Variants in HOMER2 observed in about 807,000 individuals in gnomAD.
The protein encoded by HOMER2 is homer scaffold protein 2.
Under a neutral mutation model 47.0 loss-of-function variants are expected in HOMER2, and 27 were observed. That is an observed-to-expected ratio of 0.57 (90% CI 0.42 to 0.79). The LOEUF is 0.79. Ranked by LOEUF, HOMER2 falls within the 30% of genes least tolerant of loss-of-function variation. The probability of loss-of-function intolerance (pLI) is 0.00; values close to 1 mark genes in which losing one functional copy is unlikely to be tolerated. For synonymous variants in HOMER2, 161 were observed against 163.8 expected (o/e 0.98, Z 0.13); for missense variants, 443 against 435.0 (o/e 1.02, Z -0.16).
intron 4 of HOMER2, among the ~76,000 whole-genome samples, chr15:82,862,920 A>G (rs1375988521): frequency 6.6e-6 from 1 of 151,950 alleles, no homozygotes; most frequent in Non-Finnish European, 1.5e-5. Flanking sequence ...CTCCTCTCTG[A>G]GCACCGACAT....
At chr15:82,955,953 C>CTGAT (rs2054583615), upstream of HOMER2, among the ~76,000 whole-genome samples, 1 of 152,028 alleles carries the variant, frequency 6.6e-6, no homozygotes, top group Non-Finnish European at 1.5e-5. Flanking sequence ...AAAAAGAGGC[C>CTGAT]TGATGGCTGG....
chr15:82,868,097 T>A (rs957602992), intron 3 of HOMER2, among the ~76,000 whole-genome samples: 2 of 152,204 alleles, frequency 1.3e-5, no homozygotes, highest in African/African-American at 2.4e-5. Flanking sequence ...AAAAAAATAT[T>A]TTTTTCATAT....
chr15:82,904,726 G>C (rs2053237905), intron 1 of HOMER2, among the ~76,000 whole-genome samples: 1 of 152,090 alleles, frequency 6.6e-6, no homozygotes, highest in Non-Finnish European at 1.5e-5. Context: ...TCACAGTCCA[G>C]GTGCACAAAC....
At chr15:82,921,223 G>T (rs1339242828) in intron 1 of HOMER2, among the ~76,000 whole-genome samples, 1 of 152,140 alleles carries the variant, frequency 6.6e-6, no homozygotes, top group Non-Finnish European at 1.5e-5. Flanking sequence ...GGGAGGCGGA[G>T]GTTGCAGTGA....
At chr15:82,964,992 G>C (rs1215594937) in intron 1 of HOMER2, among the ~76,000 whole-genome samples, 2 of 152,052 alleles carry the variant, frequency 1.3e-5, no homozygotes, top group Admixed American at 6.6e-5. Context: ...TGTAGACTTA[G>C]GAAATTCCAA....
intron 5 of HOMER2, among the ~76,000 whole-genome samples, chr15:82,856,099 T>C (rs1312630095): frequency 6.6e-6 from 1 of 152,216 alleles, no homozygotes. Flanking sequence ...TTGGAAAATA[T>C]GTACTTTCAC....
chr15:82,916,395 G>T lies in HOMER2; in HGVS notation c.6-23554C>A, dbSNP rs114117124. 1.9e-3 allele frequency among the ~76,000 whole-genome samples: 292 copies of T among 152,294 alleles called. 1 individual carries two copies. The highest frequency in any genetic ancestry group is 6.6e-3 in the African/African-American group (275 of 41,552). On this transcript the variant is annotated intron_variant, in intron 1 of 8. Transcript: ENST00000450735. ...CATGGCCTCAGAATCCAGGGAGATT[G>T]GTACCTGTCTGTCTGAGCACCTGTG... is the stretch of plus-strand genomic sequence containing the variant.
chr15:82,875,210 C>A, intron 3 of HOMER2, 63 bp downstream of exon 3: 1 of 1,575,116 alleles, frequency 6.3e-7, no homozygotes, highest in South Asian at 1.1e-5. Flanking sequence ...CCTCGGCGGG[C>A]AATCACTGAT....
chr15:82,906,933 A>G (rs1331828350), intron 1 of HOMER2, among the ~76,000 whole-genome samples: 2 of 152,254 alleles, frequency 1.3e-5, no homozygotes, highest in Non-Finnish European at 2.9e-5. Flanking sequence ...AAAGGAAGAC[A>G]TAACCTTAAT....
chr15:82,922,074 A>G (rs898923131), intron 1 of HOMER2, among the ~76,000 whole-genome samples: 29 of 152,306 alleles, frequency 1.9e-4, no homozygotes, highest in African/African-American at 6.7e-4. Context: ...ATTCTATTCT[A>G]AGCTCCTTGT....
intron 2 of HOMER2, among the ~76,000 whole-genome samples, chr15:82,890,696 C>T (rs1295179884): frequency 6.6e-6 from 1 of 152,216 alleles, no homozygotes; most frequent in Non-Finnish European, 1.5e-5. Context: ...AAAGCACTTG[C>T]TCTAAGAAAG....
upstream of HOMER2, among the ~76,000 whole-genome samples, chr15:82,954,162 C>T (rs912551242): frequency 2.0e-5 from 3 of 152,070 alleles, no homozygotes; most frequent in Admixed American, 2.0e-4. Flanking sequence ...TAGTAATCAG[C>T]AATATCAGGA....
chr15:82,918,567 C>G (rs2151166634), intron 1 of HOMER2, among the ~76,000 whole-genome samples: 1 of 152,248 alleles, frequency 6.6e-6, no homozygotes, highest in African/African-American at 2.4e-5. Context: ...ACACTCACCT[C>G]CACAGCTTTG....
At chr15:82,834,713 C>T (rs1249495610), downstream of HOMER2, 1 of 152,550 alleles carries the variant, frequency 6.6e-6, no homozygotes, top group Non-Finnish European at 1.5e-5. Context: ...ACTACATAAA[C>T]TCATAATAAC....
At chr15:82,962,535 G>T (rs915561531) in intron 1 of HOMER2, among the ~76,000 whole-genome samples, 1 of 151,548 alleles carries the variant, frequency 6.6e-6, no homozygotes, top group Non-Finnish European at 1.5e-5. Flanking sequence ...AAATTAGCCG[G>T]GTTTGGTGGC....
At chr15:82,952,217 C>T (rs2054520640) in intron 1 of HOMER2, 1 of 254,620 alleles carries the variant, frequency 3.9e-6, no homozygotes, top group Admixed American at 6.5e-5. Flanking sequence ...GGCGAAGAGA[C>T]CGCGGAATGG....
chr15:82,960,364 C>T (rs1596385102), intron 1 of HOMER2, among the ~76,000 whole-genome samples: 1 of 152,090 alleles, frequency 6.6e-6, no homozygotes, highest in African/African-American at 2.4e-5. Flanking sequence ...GAGCCATCAG[C>T]AAGTCAGTAT....
chr15:82,868,869 T>A (rs2052081947), intron 3 of HOMER2, among the ~76,000 whole-genome samples: 1 of 145,868 alleles, frequency 6.9e-6, no homozygotes, highest in Non-Finnish European at 1.5e-5. Flanking sequence ...ATATATATAT[T>A]TAGACCTACA....
chr15:82,974,034 G>C lies in HOMER2; in HGVS notation n.82+11753C>G, dbSNP rs557346407. The stretch of plus-strand genomic sequence containing the variant: ...GGTCACTTGAACCCAGGATGCAGAG[G>C]TTGCAGTGCACAGAGATCGTGCCAC... On this transcript the variant is annotated intron_variant and non_coding_transcript_variant, in intron 1 of 1. Transcript: ENST00000500334. Among the ~76,000 whole-genome samples the C allele has an allele frequency of 1.2e-4, 19 of 152,024 alleles. 2 individuals carry two copies. In the South Asian group the frequency reaches 3.7e-3, roughly 30 times the overall value.
Sources: allele counts gnomAD v4.1 joint callset (sites outside exome capture counted in the v4.1 genomes callset), GRCh38; gene constraint gnomAD v4.1.1; transcripts MANE v1.5; gene names NCBI Gene and HGNC (gene_info 2026-07-23, HGNC 2026-07-21).